STAU2: variants seen among roughly 807,000 people sequenced by gnomAD.
STAU2 encodes the protein double-stranded RNA-binding protein Staufen homolog 2.
STAU2 carries 20 observed loss-of-function variants against 65.9 expected under a neutral mutation model. That is an observed-to-expected ratio of 0.30 (90% CI 0.21 to 0.44). STAU2 has a LOEUF of 0.44. Ranked by LOEUF, STAU2 falls within the 20% of genes least tolerant of loss-of-function variation. The pLI is 1.00. For missense variants in STAU2, 558 were observed against 683.9 expected (o/e 0.82, Z 2.05); for synonymous variants, 232 against 233.9 (o/e 0.99, Z 0.07).
At chr8:73,606,102 T>C (rs1452095281) in intron 9 of STAU2, among the ~76,000 whole-genome samples, 1 of 152,088 alleles carries the variant, frequency 6.6e-6, no homozygotes, top group East Asian at 1.9e-4. Context: ...GACGTAAATG[T>C]AATTTCTAAA....
chr8:73,593,876 CACAT>C (rs994662262), intron 11 of STAU2, among the ~76,000 whole-genome samples: 13 of 18,954 alleles, frequency 6.9e-4, no homozygotes, highest in East Asian at 4.6e-3. Context: ...GACAGACACA[CACAT>C]ACACACACAC....
chr8:73,457,454 G>A (rs991418622), intron 13 of STAU2, among the ~76,000 whole-genome samples: 4 of 152,298 alleles, frequency 2.6e-5, no homozygotes, highest in Middle Eastern at 3.4e-3. Flanking sequence ...CGAATGAACC[G>A]CTTAGGCTTA....
At chr8:73,619,595 G>T (rs1324739693) in intron 6 of STAU2, among the ~76,000 whole-genome samples, 3 of 152,206 alleles carry the variant, frequency 2.0e-5, no homozygotes, top group Non-Finnish European at 4.4e-5. Flanking sequence ...TGAAGAACTA[G>T]AAATGTTGAT....
chr8:73,708,520 AGAT>A (rs1490970260), intron 4 of STAU2, among the ~76,000 whole-genome samples: 2 of 152,230 alleles, frequency 1.3e-5, no homozygotes, highest in African/African-American at 4.8e-5. Flanking sequence ...GTGAATGCAG[AGAT>A]AATAAGAACA....
intron 13 of STAU2, among the ~76,000 whole-genome samples, chr8:73,491,663 G>A (rs1174387797): frequency 2.0e-5 from 3 of 151,878 alleles, no homozygotes; most frequent in Admixed American, 6.6e-5. Flanking sequence ...TTTATCCTAA[G>A]TTAGAAACCT....
At chr8:73,465,958 G>A (rs1819629620) in intron 13 of STAU2, among the ~76,000 whole-genome samples, 1 of 152,172 alleles carries the variant, frequency 6.6e-6, no homozygotes, top group African/African-American at 2.4e-5. Flanking sequence ...TGGGATTACA[G>A]GCGCACGCCA....
chr8:73,573,017 CA>C lies in STAU2; in HGVS notation c.1222+9752del, dbSNP rs541322125. Among the ~76,000 whole-genome samples, 220 of 152,296 alleles carry C rather than the reference CA, an allele frequency of 1.4e-3. 2 individuals are homozygous for C. The highest frequency in any genetic ancestry group is 1.4e-3 in the Non-Finnish European group (98 of 68,036). The stretch of plus-strand genomic sequence containing the variant: ...TTTAGAAAACCTCATTGTCTCAGCC[CA>C]AAATCCCCTTAAGCTGATAAGCAAC... On this transcript the variant is annotated intron_variant, in intron 12 of 14. Transcript: ENST00000524300.
intron 4 of STAU2, among the ~76,000 whole-genome samples, chr8:73,706,213 T>A (rs949135678): frequency 1.3e-5 from 2 of 151,918 alleles, no homozygotes; most frequent in Non-Finnish European, 2.9e-5. Context: ...ACCTCCCAGG[T>A]TCAAGCAATT....
At chr8:73,428,825 C>T (rs1275136501) in intron 13 of STAU2, among the ~76,000 whole-genome samples, 5 of 152,176 alleles carry the variant, frequency 3.3e-5, no homozygotes, top group South Asian at 4.2e-4. Context: ...ATATATGAGA[C>T]GAAGGCCAGG....
intron 9 of STAU2, among the ~76,000 whole-genome samples, chr8:73,607,901 C>T (rs750921413): frequency 6.6e-6 from 1 of 152,060 alleles, no homozygotes; most frequent in Non-Finnish European, 1.5e-5. Context: ...TCTGTAGAGA[C>T]ATGGAGACAT....
chr8:73,620,777 TTC>T (rs1813168369), intron 6 of STAU2, among the ~76,000 whole-genome samples: 1 of 152,224 alleles, frequency 6.6e-6, no homozygotes, highest in African/African-American at 2.4e-5. Context: ...ACTTATTTCA[TTC>T]TGTTTCACTT....
intron 13 of STAU2, among the ~76,000 whole-genome samples, chr8:73,429,545 A>G (rs1585729417): frequency 7.2e-6 from 1 of 139,812 alleles, no homozygotes; most frequent in Admixed American, 7.8e-5. Flanking sequence ...TGATTCTCCC[A>G]CCTCAGCCTC....
intron 10 of STAU2, among the ~76,000 whole-genome samples, chr8:73,598,372 T>G (rs1411793078): frequency 6.6e-6 from 1 of 151,720 alleles, no homozygotes; most frequent in East Asian, 1.9e-4. Flanking sequence ...GAACTATAGG[T>G]GCCCGCCACC....
At chr8:73,428,516 C>G (rs1357061486) in intron 13 of STAU2, among the ~76,000 whole-genome samples, 14 of 152,026 alleles carry the variant, frequency 9.2e-5, no homozygotes, top group Admixed American at 8.5e-4. Flanking sequence ...AAAGCACCAT[C>G]ACAGAGGGCT....
intron 11 of STAU2, among the ~76,000 whole-genome samples, chr8:73,585,017 T>C (rs1032874348): frequency 2.0e-5 from 3 of 152,250 alleles, no homozygotes; most frequent in Non-Finnish European, 4.4e-5. Flanking sequence ...GACAACTGTT[T>C]AGGTTCTTAG....
chr8:73,638,255 T>C (rs1203930060), intron 6 of STAU2, among the ~76,000 whole-genome samples: 3 of 151,732 alleles, frequency 2.0e-5, no homozygotes, highest in Admixed American at 6.6e-5. Context: ...AATAAAAAAG[T>C]AAAGGCTCTG....
rs1391407017 is a variant in STAU2, at chr8:73,746,795, G to A, written c.-209C>T. ...TGAGGGTATTTACCTTCTTGCCGGG[G>A]ACACTTTGCAGACGGCTCCAACATT... On this transcript the variant is annotated 5_prime_UTR_variant, in exon 1 of 15. Transcript: ENST00000524300. 1.6e-6 allele frequency: 2 copies of A among 1,231,626 alleles called. No individual in the cohort carries two copies. Among genetic ancestry groups the A allele is most frequent in the African/African-American group, 3.1e-5 (2 of 64,400 alleles). 76.3% of individuals were successfully genotyped at this position (1,231,626 alleles called of 1,614,324 possible). A position where few individuals can be genotyped will look rare whatever the true frequency, so the allele number is the denominator to read the frequency against.
At chr8:73,479,972 G>A (rs918504003) in intron 13 of STAU2, among the ~76,000 whole-genome samples, 4 of 151,718 alleles carry the variant, frequency 2.6e-5, no homozygotes, top group Admixed American at 1.3e-4. Context: ...TCCCTCCTTG[G>A]TGTCATCTAG....
At chr8:73,462,777 T>TA (rs1819439167) in intron 13 of STAU2, among the ~76,000 whole-genome samples, 1 of 152,148 alleles carries the variant, frequency 6.6e-6, no homozygotes, top group African/African-American at 2.4e-5. Flanking sequence ...GCCTTGCCTA[T>TA]ATTGTGATAT....
Sources: allele counts gnomAD v4.1 joint callset (sites outside exome capture counted in the v4.1 genomes callset), GRCh38; gene constraint gnomAD v4.1.1; transcripts MANE v1.5; gene names NCBI Gene and HGNC (gene_info 2026-07-23, HGNC 2026-07-21).